The following SH3TC2 variants were observed in gnomAD, a reference collection of about 807,000 sequenced individuals.
SH3TC2 encodes SH3 domain and tetratricopeptide repeats 2.
Under a neutral mutation model 124.5 loss-of-function variants are expected in SH3TC2, and 87 were observed. The ratio of observed to expected loss-of-function variants is 0.70; its 90% CI spans 0.59 to 0.84. The LOEUF (loss-of-function observed/expected upper bound fraction) is 0.84, where lower values mean the gene tolerates loss of function less well. SH3TC2 is among the 40% of genes least tolerant of loss of function. The probability of loss-of-function intolerance (pLI) is 0.00; values close to 1 mark genes in which losing one functional copy is unlikely to be tolerated. For missense variants in SH3TC2, 1,536 were observed against 1,566.4 expected (o/e 0.98, Z 0.33); for synonymous variants, 634 against 628.5 (o/e 1.01, Z -0.13).
At chr5:149,008,828 A>G in intron 15 of SH3TC2, 23 bp downstream of exon 15, 1 of 1,613,494 alleles carries the variant, frequency 6.2e-7, no homozygotes, top group Non-Finnish European at 8.5e-7. Context: ...CATTCAACAC[A>G]CCCAATAGTG....
intron 5 of SH3TC2, 136 bp from the exon 6 acceptor site, chr5:149,041,753 G>T: frequency 2.2e-6 from 2 of 928,552 alleles, no homozygotes; most frequent in Non-Finnish European, 1.7e-6. Flanking sequence ...TCACAGGGGA[G>T]ACACTAAAAG....
chr5:149,047,840 C>G (rs935148976), intron 3 of SH3TC2, 22 bp downstream of exon 3: 1 of 1,613,506 alleles, frequency 6.2e-7, no homozygotes, highest in African/African-American at 1.3e-5. Flanking sequence ...ACTCAGCATT[C>G]ACCTGTTTCC....
intron 1 of SH3TC2, among the ~76,000 whole-genome samples, chr5:149,061,730 A>C (rs1754752636): frequency 6.6e-6 from 1 of 152,092 alleles, no homozygotes; most frequent in Non-Finnish European, 1.5e-5. Flanking sequence ...CAGATCTAGA[A>C]CCCCGATCTC....
chr5:149,022,426 T>C (rs1753990433), intron 12 of SH3TC2, among the ~76,000 whole-genome samples: 1 of 152,190 alleles, frequency 6.6e-6, no homozygotes, highest in Non-Finnish European at 1.5e-5. Context: ...TTGGAACCCT[T>C]ATGCCTTGCT....
In SH3TC2 at chr5:148,996,487, C is replaced by A. The variant is rs1394298580; in HGVS notation, c.*8224G>T. Among the ~76,000 whole-genome samples the A allele has an allele frequency of 6.6e-6, 1 of 152,146 alleles. No homozygotes were observed. Among genetic ancestry groups the A allele is most frequent in the Non-Finnish European group, 1.5e-5 (1 of 68,014 alleles). On this transcript the variant is annotated 3_prime_UTR_variant, in exon 17 of 17. Coordinates refer to ENST00000515425, the MANE Select transcript of SH3TC2 (RefSeq NM_024577.4). Reference sequence around the variant, plus strand: ...CCAAAGCTACATGTTCTAGAACAGACAAAAGTTAGTTTTGTTTTGTTTTAT... The same window carrying A: ...CCAAAGCTACATGTTCTAGAACAGAAAAAAGTTAGTTTTGTTTTGTTTTAT...
rs1753583740 is a variant in SH3TC2 at position 149,000,756 on chromosome 5, A to G, written c.*3955T>C. On this transcript the variant is annotated 3_prime_UTR_variant, in exon 17 of 17. Transcript: ENST00000515425. The stretch of plus-strand genomic sequence containing the variant: ...TCATGAGACCCCCGCCTCAAGTACC[A>G]CTGTCTTTGCCACTAACTACCAATG... Among the ~76,000 whole-genome samples the G allele has an allele frequency of 6.6e-6, 1 of 152,210 alleles. No individual in the cohort carries two copies. Among genetic ancestry groups the G allele is most frequent in the South Asian group, 2.1e-4 (1 of 4,824 alleles).
chr5:149,032,917 A>T (rs1409191292), intron 8 of SH3TC2, among the ~76,000 whole-genome samples: 2 of 152,198 alleles, frequency 1.3e-5, no homozygotes, highest in East Asian at 3.8e-4. Context: ...GGAAGCTTCT[A>T]ATCTCAAAAC....
At chr5:149,018,139 T>G (rs546142899) in intron 12 of SH3TC2, among the ~76,000 whole-genome samples, 62 of 152,316 alleles carry the variant, frequency 4.1e-4, no homozygotes, top group Non-Finnish European at 7.1e-4. Flanking sequence ...AGTTCTCAAT[T>G]TCCACAATTC....
chr5:148,999,830 A>G lies in SH3TC2; in HGVS notation c.*4881T>C, dbSNP rs1357958367. 6.6e-6 allele frequency among the ~76,000 whole-genome samples: 1 copy of G among 152,138 alleles called. No homozygotes were observed. Among genetic ancestry groups the G allele is most frequent in the African/African-American group, 2.4e-5 (1 of 41,544 alleles). ...TCTTTCAACTGCTTATAATCCTTCT[A>G]TACCTTCCCCTCAACCTCCAGGTAG... is the stretch of plus-strand genomic sequence containing the variant. On this transcript the variant is annotated 3_prime_UTR_variant, in exon 17 of 17. Transcript: ENST00000515425.
intron 14 of SH3TC2, 116 bp downstream of exon 14, chr5:149,010,154 G>A: frequency 1.4e-6 from 2 of 1,447,518 alleles, no homozygotes; most frequent in Non-Finnish European, 1.9e-6. Flanking sequence ...ACAAGAAAGA[G>A]AGAAAAATGA....
Position 148,992,606 on chromosome 5 carries a change from T to TG in SH3TC2, c.*12104_*12105insC, listed in dbSNP as rs1441252274. Among the ~76,000 whole-genome samples the TG allele has an allele frequency of 2.0e-5, 3 of 149,356 alleles. No homozygotes were observed. Among genetic ancestry groups the TG allele is most frequent in the Non-Finnish European group, 4.5e-5 (3 of 67,344 alleles). ...CCAAGAAGAGATTTCATTGGTTTTT[T>TG]TTTTTTTTTTTTTTTTCAGATTTTC... On this transcript the variant is annotated 3_prime_UTR_variant, in exon 17 of 17. Transcript: ENST00000515425.
chr5:149,027,130 C>T lies in SH3TC2; in HGVS notation c.2602G>A (p.Glu868Lys). Reference sequence around the variant, plus strand: ...GCCTGGTTATGCACATCTCCCACCTCCTGGGCTCTGTTCAAGGCCCGAAGA... The same window carrying T: ...GCCTGGTTATGCACATCTCCCACCTTCTGGGCTCTGTTCAAGGCCCGAAGA... ...SYLRALNRAQEVGDVHNQAVA... is the reference protein window; with the variant it reads ...SYLRALNRAQKVGDVHNQAVA... The change falls in exon 11 of 17, where the codon GAG becomes AAG. Residue 868 changes from glutamate to lysine, a missense_variant. This residue lies in a region of SH3TC2 where 1,102 missense variants were observed against 1,098.6 expected (regional missense o/e 1.00). Coordinates refer to ENST00000515425, the MANE Select transcript of SH3TC2 (RefSeq NM_024577.4). 7.4e-6 allele frequency: 12 copies of T among 1,614,162 alleles called. No individual in the cohort carries two copies. The highest frequency in any genetic ancestry group is 1.0e-5 in the Non-Finnish European group (12 of 1,180,014).
rs1753424819 is a variant in SH3TC2, at chr5:148,991,884, A to G, written c.*12827T>C. Among the ~76,000 whole-genome samples, 1 of 152,188 alleles carries G rather than the reference A, an allele frequency of 6.6e-6. No individual in the cohort carries two copies. Among genetic ancestry groups the G allele is most frequent in the Non-Finnish European group, 1.5e-5 (1 of 68,024 alleles). ...GAGGTGAGCCTCCTCTTGCACTGGA[A>G]GCTGGTATGCTGATGATGTCATGGT... On this transcript the variant is annotated 3_prime_UTR_variant, in exon 17 of 17. Transcript: ENST00000515425.
At chr5:149,031,763 G>C in intron 8 of SH3TC2, 76 bp from the exon 9 acceptor site, 2 of 1,585,232 alleles carry the variant, frequency 1.3e-6, no homozygotes, top group East Asian at 4.5e-5. Context: ...TCCACACTAG[G>C]ATGTAGTGGA....
intron 8 of SH3TC2, 54 bp from the exon 9 acceptor site, chr5:149,031,741 T>C: frequency 6.2e-7 from 1 of 1,609,274 alleles, no homozygotes; most frequent in Non-Finnish European, 8.5e-7. Flanking sequence ...TCAGACTCCA[T>C]CTCCTCTTCT....
At chr5:149,046,659 T>G (rs1021935160) in intron 3 of SH3TC2, 1 of 152,172 alleles carries the variant, frequency 6.6e-6, no homozygotes, top group Non-Finnish European at 1.5e-5. Context: ...TCTAGCTGAC[T>G]CCAGGCCTCA....
chr5:149,003,881 TG>T lies in SH3TC2; in HGVS notation c.*829del. The T allele has an allele frequency of 2.7e-6, 1 of 368,810 alleles. No homozygotes were observed. The highest frequency in any genetic ancestry group is 5.4e-6 in the Non-Finnish European group (1 of 186,304). The allele number at this position is 368,810 out of a possible 1,614,324, so 22.8% of individuals were successfully genotyped here. ...AAAAAAAAAAAAAAAAGACATGTAT[TG>T]GTATTCTCTCCCATCCATCAAGTCC... is the stretch of plus-strand genomic sequence containing the variant. On this transcript the variant is annotated 3_prime_UTR_variant, in exon 17 of 17. Coordinates refer to ENST00000515425, the MANE Select transcript of SH3TC2 (RefSeq NM_024577.4).
rs1421196961 is a variant in SH3TC2 at position 148,992,979 on chromosome 5, C to T, written c.*11732G>A. 6.6e-6 allele frequency among the ~76,000 whole-genome samples: 1 copy of T among 152,110 alleles called. No homozygotes were observed. The highest frequency in any genetic ancestry group is 2.4e-5 in the African/African-American group (1 of 41,410). ...TGAAGTTTGTATCATTGATAGTTAC[C>T]TCTGATCTGCCACTCTGCCCATCTT... On this transcript the variant is annotated 3_prime_UTR_variant, in exon 17 of 17. Coordinates refer to ENST00000515425, the MANE Select transcript of SH3TC2 (RefSeq NM_024577.4).
At chr5:149,010,597 A>G (rs1324477830) in intron 13 of SH3TC2, among the ~76,000 whole-genome samples, 1 of 152,074 alleles carries the variant, frequency 6.6e-6, no homozygotes. Context: ...GTTATGAGAG[A>G]TTGCTTTTGG....
Sources: allele counts gnomAD v4.1 joint callset (sites outside exome capture counted in the v4.1 genomes callset), GRCh38; gene constraint gnomAD v4.1.1; regional missense constraint gnomAD v4.1.1; transcripts MANE v1.5; gene names NCBI Gene and HGNC (gene_info 2026-07-23, HGNC 2026-07-21).